USP9X: variants seen among roughly 807,000 people sequenced by gnomAD.
USP9X encodes ubiquitin carboxyl-terminal hydrolase 9X.
A neutral mutation model predicts 190.3 loss-of-function variants in USP9X; 7 were observed. The observed-to-expected ratio is 0.04, with a 90% CI of 0.02 to 0.07. The LOEUF is 0.07. Among genes scored for constraint, USP9X ranks in the 10% least tolerant of loss-of-function variants. The probability of loss-of-function intolerance (pLI) is 1.00; values close to 1 mark genes in which losing one functional copy is unlikely to be tolerated. For synonymous variants in USP9X, 645 were observed against 659.5 expected (o/e 0.98, Z 0.34); for missense variants, 1,010 against 1,916.9 (o/e 0.53, Z 8.83).
At chrX:41,130,741 T>C (rs2062305009) in intron 3 of USP9X, among the ~76,000 whole-genome samples, 1 of 107,184 alleles carries the variant, frequency 9.3e-6, no homozygotes, top group Non-Finnish European at 1.9e-5. Flanking sequence ...TTTTTTTCCT[T>C]TTGAGACGGT....
chrX:41,113,799 CATG>C (rs767090240), intron 1 of USP9X, among the ~76,000 whole-genome samples: 5 of 111,465 alleles, frequency 4.5e-5, no homozygotes, highest in African/African-American at 1.6e-4. Context: ...AAAGGTGTGT[CATG>C]AACGCGTAAA....
chrX:41,098,108 C>T (rs2062005882), intron 1 of USP9X, among the ~76,000 whole-genome samples: 2 of 110,394 alleles, frequency 1.8e-5, no homozygotes, highest in Admixed American at 9.7e-5. Flanking sequence ...GCCTCTACCT[C>T]CTCCCTGTAA....
chrX:41,097,856 T>G (rs185452349), intron 1 of USP9X, among the ~76,000 whole-genome samples: 1 of 111,523 alleles, frequency 9.0e-6, no homozygotes, highest in East Asian at 2.8e-4. Context: ...CTCTCTGACC[T>G]CTTGAAAAGA....
chrX:41,182,649 A>G (rs1037916988), intron 21 of USP9X, among the ~76,000 whole-genome samples: 7 of 110,810 alleles, frequency 6.3e-5, no homozygotes, highest in African/African-American at 2.0e-4. Context: ...TTGATGTTTA[A>G]AAAGGTGAGG....
chrX:41,143,156 A>G (rs995736872), intron 9 of USP9X, 135 bp from the exon 10 acceptor site: 3 of 440,050 alleles, frequency 6.8e-6, no homozygotes, highest in Non-Finnish European at 1.0e-5. Context: ...AAAGCAACAC[A>G]TAAGTATATT....
intron 1 of USP9X, among the ~76,000 whole-genome samples, chrX:41,103,769 GCTTA>G (rs1029714419): frequency 7.2e-5 from 8 of 111,689 alleles, no homozygotes; most frequent in Non-Finnish European, 1.1e-4. Context: ...GCTTGAGCCA[GCTTA>G]CTTAATATTA....
At chrX:41,163,545 A>G (rs1043319885) in intron 15 of USP9X, among the ~76,000 whole-genome samples, 1 of 109,902 alleles carries the variant, frequency 9.1e-6, no homozygotes, top group African/African-American at 3.3e-5. Context: ...TGAGCCCAGG[A>G]GTTCAAGACC....
chrX:41,216,661 C>G lies in USP9X; in HGVS notation c.6085+9C>G, dbSNP rs983460022. ...CTTAAACCCTCCTCCCGGTGAGTAT[C>G]AAGAGAGTTTAGCTTCTTAGTAATA... On this transcript the variant is annotated intron_variant, in intron 35 of 44. Transcript: ENST00000378308. 2 of 1,189,257 alleles carry G rather than the reference C, an allele frequency of 1.7e-6. No individual in the cohort carries two copies. The highest frequency in any genetic ancestry group is 2.3e-6 in the Non-Finnish European group (2 of 883,709).
At chrX:41,198,442 T>C in intron 29 of USP9X, 86 bp from the exon 30 acceptor site, 1 of 584,496 alleles carries the variant, frequency 1.7e-6, no homozygotes. Flanking sequence ...AATGAGTAAT[T>C]TTAAAATGAT....
At position 41,172,781 on chromosome X, in the gene USP9X, C is replaced by G. The variant is rs138216878; in HGVS notation, c.3148+823C>G. Among the ~76,000 whole-genome samples the G allele has an allele frequency of 8.0e-3, 898 of 111,631 alleles. 1 individual carries two copies. The highest frequency in any genetic ancestry group is 0.01 in the Non-Finnish European group (557 of 53,070). On this transcript the variant is annotated intron_variant, in intron 21 of 44. Coordinates refer to ENST00000378308, the MANE Select transcript of USP9X (RefSeq NM_001039591.3). ...TTATCTGAATGTGGGCAAACTATCA[C>G]GTTTGATTAATGGTTTGTGTATAGA...
chrX:41,209,088 T>C (rs948333094), intron 32 of USP9X, among the ~76,000 whole-genome samples: 1 of 112,004 alleles, frequency 8.9e-6, no homozygotes, highest in Admixed American at 9.5e-5. Flanking sequence ...TAAGAGATCA[T>C]ATATCAGAAT....
intron 1 of USP9X, among the ~76,000 whole-genome samples, chrX:41,120,187 C>T (rs1419640926): frequency 9.0e-6 from 1 of 111,282 alleles, no homozygotes; most frequent in Non-Finnish European, 1.9e-5. Context: ...GCTAGTGTAG[C>T]ATTTAAGAGC....
At chrX:41,193,542 A>G (rs753515546) in intron 26 of USP9X, among the ~76,000 whole-genome samples, 3 of 111,091 alleles carry the variant, frequency 2.7e-5, no homozygotes, top group Non-Finnish European at 5.7e-5. Context: ...ACATGCCTGT[A>G]GTCCCAACTA....
intron 14 of USP9X, among the ~76,000 whole-genome samples, chrX:41,154,075 TTAAG>T (rs1569171310): frequency 8.9e-6 from 1 of 111,875 alleles, no homozygotes; most frequent in Non-Finnish European, 1.9e-5. Context: ...AACATAAAAA[TTAAG>T]TAACTCTTCT....
intron 1 of USP9X, among the ~76,000 whole-genome samples, chrX:41,091,813 A>G (rs1314708509): frequency 3.6e-5 from 4 of 111,850 alleles, no homozygotes; most frequent in Non-Finnish European, 5.6e-5. Flanking sequence ...TTATGAAGCT[A>G]TATCTATATG....
chrX:41,089,360 T>C (rs1002081285), intron 1 of USP9X, among the ~76,000 whole-genome samples: 1 of 112,120 alleles, frequency 8.9e-6, no homozygotes, highest in East Asian at 2.8e-4. Context: ...TTAGAGCTTT[T>C]GGTTTGTTTC....
chrX:41,115,073 T>C (rs1247197155), intron 1 of USP9X, among the ~76,000 whole-genome samples: 1 of 108,110 alleles, frequency 9.2e-6, no homozygotes, highest in African/African-American at 3.4e-5. Context: ...ATACAAAAAT[T>C]AGCCCGGCAT....
intron 1 of USP9X, among the ~76,000 whole-genome samples, chrX:41,092,879 A>AT (rs959992907): frequency 4.6e-4 from 49 of 105,802 alleles, no homozygotes; most frequent in African/African-American, 1.2e-3. Context: ...AAGAGCAGTG[A>AT]TTTTTTTTTT....
At position 41,161,635 on chromosome X, in the gene USP9X, C is replaced by CTTTTTTTTTTTTTTTTTTTTTTTTTTT. The variant is rs759623425; in HGVS notation, c.1898-1132_1898-1131insTTTTTTTTTTTTTTTTTTTTTTTTTTT. On this transcript the variant is annotated intron_variant, in intron 14 of 44. Coordinates refer to ENST00000378308, the MANE Select transcript of USP9X (RefSeq NM_001039591.3). ...ACAGGCGTGAGCCATGGCGCCCTGC[C>CTTTTTTTTTTTTTTTTTTTTTTTTTTT]TTTTTTTTTTTTTTTTTTTTTTTAA... 1.3e-4 allele frequency among the ~76,000 whole-genome samples: 6 copies of CTTTTTTTTTTTTTTTTTTTTTTTTTTT among 47,412 alleles called. 1 individual carries two copies. The highest frequency in any genetic ancestry group is 9.2e-4 in the Admixed American group (3 of 3,262). The allele number at this position is 47,412 out of a possible 115,157, so 41.2% of individuals were successfully genotyped here.
Sources: gnomAD v4.1 joint callset for allele counts (sites outside exome capture counted in the v4.1 genomes callset) on GRCh38, gnomAD v4.1.1 for gene constraint, MANE v1.5 for transcripts, NCBI Gene and HGNC (gene_info 2026-07-23, HGNC 2026-07-21) for gene names.